Variants in FOXP2 observed in about 807,000 individuals in gnomAD.
FOXP2 encodes forkhead box P2.
In FOXP2, 12 loss-of-function variants were observed where a neutral mutation model predicts 115.8. That is an observed-to-expected ratio of 0.10 (90% CI 0.07 to 0.17). FOXP2 has a LOEUF of 0.17. FOXP2 is among the 10% of genes least tolerant of loss of function. The pLI, the probability that FOXP2 is intolerant of heterozygous loss-of-function variation, is 1.00. For synonymous variants in FOXP2, 328 were observed against 297.7 expected, an observed-to-expected ratio of 1.10 and a Z score of -1.05; for missense variants, 629 against 843.5, an observed-to-expected ratio of 0.75 and a Z score of 3.15.
intron 1 of FOXP2, among the ~76,000 whole-genome samples, chr7:114,223,501 TATATATA>T (rs998693797): frequency 1.1e-4 from 16 of 147,280 alleles, no homozygotes; most frequent in African/African-American, 4.0e-4. Flanking sequence ...ATATATATAT[TATATATA>T]ATATATATAT....
At chr7:114,166,136 A>G (rs1792975435) in intron 1 of FOXP2, among the ~76,000 whole-genome samples, 1 of 152,192 alleles carries the variant, frequency 6.6e-6, no homozygotes, top group Non-Finnish European at 1.5e-5. Context: ...TAAATATAAA[A>G]CAAAAAACTA....
At chr7:114,413,560 G>T (rs1265984396), upstream of FOXP2, among the ~76,000 whole-genome samples, 1 of 151,990 alleles carries the variant, frequency 6.6e-6, no homozygotes, top group Non-Finnish European at 1.5e-5. Flanking sequence ...AATATTAAAC[G>T]GTTTTGTATC....
intron 2 of FOXP2, among the ~76,000 whole-genome samples, chr7:114,331,993 A>G (rs950404854): frequency 1.3e-5 from 2 of 152,024 alleles, no homozygotes; most frequent in African/African-American, 4.8e-5. Flanking sequence ...ACAAATGACA[A>G]CTCTGTATTG....
At chr7:114,355,409 A>G (rs887965613) in intron 2 of FOXP2, among the ~76,000 whole-genome samples, 2 of 152,178 alleles carry the variant, frequency 1.3e-5, no homozygotes, top group Non-Finnish European at 2.9e-5. Flanking sequence ...TGCAGTAACC[A>G]TATCTGTGGT....
chr7:114,692,058 C>A lies in FOXP2; in HGVS notation c.*2132C>A. ...TGTCTTTGGGTCATGATCAACGAAC[C>A]GGAAGTTTACAATATGGTATTAAAA... is the stretch of plus-strand genomic sequence containing the variant. On this transcript the variant is annotated 3_prime_UTR_variant, in exon 17 of 17. Transcript: ENST00000350908. 1 of 453,640 alleles carries A rather than the reference C, an allele frequency of 2.2e-6. No individual in the cohort carries two copies. The highest frequency in any genetic ancestry group is 4.4e-6 in the Non-Finnish European group (1 of 226,652). 28.1% of individuals were successfully genotyped at this position (453,640 alleles called of 1,614,324 possible).
At chr7:114,166,696 CTT>C (rs1445712014) in intron 1 of FOXP2, among the ~76,000 whole-genome samples, 9 of 152,064 alleles carry the variant, frequency 5.9e-5, no homozygotes, top group African/African-American at 2.2e-4. Flanking sequence ...CAGAGTGAGA[CTT>C]TGTCTCAAAA....
chr7:114,663,527 A>G lies in FOXP2; in HGVS notation c.1839+8A>G. ...CTTAATGCCAGTTTGCAGGTAATGT[A>G]CTTTCCCAGTTTTGTTGTATTTGAA... On this transcript the variant is annotated splice_region_variant and intron_variant, in intron 15 of 16. Coordinates refer to ENST00000350908, the MANE Select transcript of FOXP2 (RefSeq NM_014491.4). The G allele has an allele frequency of 6.3e-7, 1 of 1,597,302 alleles. No homozygotes were observed. The highest frequency in any genetic ancestry group is 8.6e-7 in the Non-Finnish European group (1 of 1,169,330).
At chr7:114,170,206 A>C (rs900450712) in intron 1 of FOXP2, among the ~76,000 whole-genome samples, 4 of 152,122 alleles carry the variant, frequency 2.6e-5, no homozygotes, top group African/African-American at 9.7e-5. Flanking sequence ...TACTATTATA[A>C]TTGTTTGGGG....
chr7:114,518,836 G>C (rs1006516638), intron 2 of FOXP2, among the ~76,000 whole-genome samples: 1 of 152,094 alleles, frequency 6.6e-6, no homozygotes, highest in African/African-American at 2.4e-5. Context: ...AATTTTGCTT[G>C]AGTTAATCAC....
intron 2 of FOXP2, among the ~76,000 whole-genome samples, chr7:114,519,870 C>A (rs1798526462): frequency 6.6e-6 from 1 of 152,062 alleles, no homozygotes; most frequent in Non-Finnish European, 1.5e-5. Context: ...GTTTTAATTT[C>A]CAATTTTATC....
intron 1 of FOXP2, among the ~76,000 whole-genome samples, chr7:114,217,802 C>T (rs920174338): frequency 6.6e-6 from 1 of 152,174 alleles, no homozygotes; most frequent in Admixed American, 6.5e-5. Flanking sequence ...ATTTCCATGA[C>T]TTGTTTTATT....
At chr7:114,435,723 G>C (rs1210708503) in intron 2 of FOXP2, among the ~76,000 whole-genome samples, 5 of 152,106 alleles carry the variant, frequency 3.3e-5, no homozygotes, top group African/African-American at 1.2e-4. Context: ...ATCTTTAGTA[G>C]AGACGGGGTT....
chr7:114,288,228 T>C, intron 2 of FOXP2: 1 of 392,342 alleles, frequency 2.5e-6, no homozygotes, highest in Non-Finnish European at 5.0e-6. Flanking sequence ...GTTAAGAAGT[T>C]GTTTTCAGCG....
chr7:114,167,766 C>G (rs1793021591), intron 1 of FOXP2, among the ~76,000 whole-genome samples: 1 of 151,914 alleles, frequency 6.6e-6, no homozygotes, highest in Non-Finnish European at 1.5e-5. Flanking sequence ...GAAACCCTGT[C>G]TCTACTAAAA....
At chr7:114,203,127 G>A (rs1201109536) in intron 1 of FOXP2, among the ~76,000 whole-genome samples, 2 of 152,302 alleles carry the variant, frequency 1.3e-5, no homozygotes, top group East Asian at 3.9e-4. Context: ...AGGATTCATT[G>A]CCAATTGTGT....
At chr7:114,310,108 A>G (rs573692830) in intron 2 of FOXP2, among the ~76,000 whole-genome samples, 1 of 152,332 alleles carries the variant, frequency 6.6e-6, no homozygotes, top group African/African-American at 2.4e-5. Flanking sequence ...AGTTATGCCC[A>G]TCGAGCTGAG....
In FOXP2 at chr7:114,662,142, G is replaced by T. The variant is rs1424508925; in HGVS notation, c.1725G>T (p.Val575=). Residue 575 remains valine, a synonymous_variant, in exon 14 of 17, where the codon GTG becomes GTT. Transcript: ENST00000350908. ...ATGTTAAAGGAGCAGTATGGACTGT[G>T]GATGAAGTAGAATACCAGAAGCGAA... ...VENVKGAVWT[V]DEVEYQKRRS... 7 of 1,612,924 alleles carry T rather than the reference G, an allele frequency of 4.3e-6. No individual in the cohort carries two copies. Among genetic ancestry groups the T allele is most frequent in the Non-Finnish European group, 5.9e-6 (7 of 1,179,212 alleles).
At chr7:114,148,007 G>A (rs1003620594) in intron 1 of FOXP2, among the ~76,000 whole-genome samples, 6 of 152,172 alleles carry the variant, frequency 3.9e-5, no homozygotes, top group African/African-American at 1.4e-4. Flanking sequence ...TGGCCACACT[G>A]TGTTATTCTA....
At chr7:114,088,470 T>G (rs1279558304) in intron 1 of FOXP2, among the ~76,000 whole-genome samples, 1 of 152,236 alleles carries the variant, frequency 6.6e-6, no homozygotes, top group Non-Finnish European at 1.5e-5. Context: ...GTCAAGCAGC[T>G]GAAGTGGACG....
Sources: gnomAD v4.1 joint callset for allele counts (sites outside exome capture counted in the v4.1 genomes callset) on GRCh38, gnomAD v4.1.1 for gene constraint, MANE v1.5 for transcripts, NCBI Gene and HGNC (gene_info 2026-07-23, HGNC 2026-07-21) for gene names.